Variants in HIF3A observed in about 807,000 individuals in gnomAD.
The protein encoded by HIF3A is hypoxia-inducible factor 3-alpha.
In HIF3A, 41 loss-of-function variants were observed where a neutral mutation model predicts 67.2. The observed-to-expected ratio is 0.61, with a 90% CI of 0.48 to 0.79. The LOEUF (loss-of-function observed/expected upper bound fraction) is 0.79. Among genes scored for constraint, HIF3A ranks in the 30% least tolerant of loss-of-function variants. The pLI, the probability that HIF3A is intolerant of heterozygous loss-of-function variation, is 0.00. For synonymous variants in HIF3A, 356 were observed against 374.8 expected (o/e 0.95, Z 0.58); for missense variants, 855 against 898.0 (o/e 0.95, Z 0.61).
intron 1 of HIF3A, among the ~76,000 whole-genome samples, chr19:46,302,459 C>T (rs1267767242): frequency 6.6e-6 from 1 of 152,122 alleles, no homozygotes. Context: ...GAGACGGAGC[C>T]TTGCTGTGTC....
chr19:46,314,244 G>A (rs1969733630), intron 8 of HIF3A, among the ~76,000 whole-genome samples: 1 of 147,704 alleles, frequency 6.8e-6, no homozygotes, highest in South Asian at 2.2e-4. Context: ...TGGGCACAGT[G>A]GCTCACGCCT....
intron 6 of HIF3A, chr19:46,310,564 C>T: frequency 2.2e-6 from 1 of 455,706 alleles, no homozygotes; most frequent in Non-Finnish European, 4.4e-6. Flanking sequence ...TGGATTCAGC[C>T]TGCTTGAGTG....
intron 11 of HIF3A, 142 bp downstream of exon 11, chr19:46,325,781 G>A (rs1970740030): frequency 1.5e-5 from 9 of 603,788 alleles, no homozygotes; most frequent in Middle Eastern, 2.7e-4. Context: ...GTGGATGATG[G>A]TGGATGAATG....
chr19:46,311,586 C>T (rs897418808), intron 6 of HIF3A, among the ~76,000 whole-genome samples: 1 of 152,152 alleles, frequency 6.6e-6, no homozygotes, highest in Non-Finnish European at 1.5e-5. Context: ...TTAGGCAGGC[C>T]GGGCGAGGTG....
chr19:46,308,453 A>G, intron 4 of HIF3A, 148 bp downstream of exon 4: 1 of 655,956 alleles, frequency 1.5e-6, no homozygotes, highest in South Asian at 1.9e-5. Flanking sequence ...GTCTATGGGG[A>G]CAAAGACCCT....
rs186765072 is a variant in HIF3A at position 46,313,583 on chromosome 19, G to A, written c.1025+930G>A. On this transcript the variant is annotated intron_variant, in intron 8 of 14. Coordinates refer to ENST00000377670, the MANE Select transcript of HIF3A (RefSeq NM_152795.4). Reference sequence around the variant, plus strand: ...ACAGTTCTGTGAATTTTTGACACACGCATGCAGTTGTGTAACCACTATCAC... The same window carrying A: ...ACAGTTCTGTGAATTTTTGACACACACATGCAGTTGTGTAACCACTATCAC... Among the ~76,000 whole-genome samples, 442 of 149,614 alleles carry A rather than the reference G, an allele frequency of 3.0e-3. 4 individuals carry two copies. Among genetic ancestry groups the A allele is most frequent in the African/African-American group, 9.7e-3 (395 of 40,614 alleles).
intron 4 of HIF3A, 129 bp downstream of exon 4, chr19:46,308,434 T>C: frequency 1.4e-6 from 1 of 689,704 alleles, no homozygotes; most frequent in East Asian, 2.7e-5. Context: ...GAGATGGCCC[T>C]GCCCTGGGGT....
chr19:46,330,307 G>A (rs1471444770), intron 12 of HIF3A, among the ~76,000 whole-genome samples: 1 of 152,146 alleles, frequency 6.6e-6, no homozygotes, highest in African/African-American at 2.4e-5. Flanking sequence ...GTCGATGGAA[G>A]GACAGATGGA....
chr19:46,312,125 G>A (rs1194320111), intron 6 of HIF3A, 36 bp from the exon 7 acceptor site: 9 of 1,494,860 alleles, frequency 6.0e-6, no homozygotes, highest in Non-Finnish European at 8.4e-6. Flanking sequence ...TCACCCAGTA[G>A]CATCCTGACC....
At chr19:46,298,223 C>CCTGTCCCCTACT in intron 1 of HIF3A, 1 of 354,080 alleles carries the variant, frequency 2.8e-6, no homozygotes, top group Non-Finnish European at 5.5e-6. Flanking sequence ...CATCCTCTCC[C>CCTGTCCCCTACT]CTGTCCCCTA....
In HIF3A at chr19:46,303,831, C is replaced by T. The variant is rs760251315; in HGVS notation, c.27-67C>T. 18 of 1,545,844 alleles carry T rather than the reference C, an allele frequency of 1.2e-5. No individual in the cohort carries two copies. In the Admixed American group the frequency reaches 3.5e-4, roughly 30 times the overall value. ...CCCGGCCCCACGTGGCAGCTCCCCA[C>T]GTGCTCGTCCCGTCCTCCTTTTCTC... On this transcript the variant is annotated intron_variant, in intron 1 of 14. Coordinates refer to ENST00000377670, the MANE Select transcript of HIF3A (RefSeq NM_152795.4).
At chr19:46,303,870 C>A (rs781184848) in intron 1 of HIF3A, 28 bp from the exon 2 acceptor site, 2 of 1,597,962 alleles carry the variant, frequency 1.3e-6, no homozygotes, top group South Asian at 2.3e-5. Flanking sequence ...CCCGAGTCAC[C>A]ACCAGTGAAT....
chr19:46,310,814 G>T lies in HIF3A; in HGVS notation c.771-1347G>T, dbSNP rs1038066335. 6 of 270,804 alleles carry T rather than the reference G, an allele frequency of 2.2e-5. 1 individual carries two copies. The highest frequency in any genetic ancestry group is 1.4e-4 in the Admixed American group (3 of 21,026). The allele number at this position is 270,804 out of a possible 1,614,324, so 16.8% of individuals were successfully genotyped here. A position where few individuals can be genotyped will look rare whatever the true frequency, so the allele number is the denominator to read the frequency against. On this transcript the variant is annotated intron_variant, in intron 6 of 14. Coordinates refer to ENST00000377670, the MANE Select transcript of HIF3A (RefSeq NM_152795.4). The stretch of plus-strand genomic sequence containing the variant: ...CACCCAGGCTGGAGTGCAGTGGCAG[G>T]ATCTTGGCCCACTGCAACGTCCACC...
chr19:46,307,991 CAGACAGACAGATAGATAGAT>C (rs1281049782), intron 3 of HIF3A, among the ~76,000 whole-genome samples: 2 of 138,092 alleles, frequency 1.4e-5, no homozygotes, highest in African/African-American at 2.7e-5. Context: ...GACAGACAGA[CAGACAGACAGATAGATAGAT>C]AGATAGATGA....
chr19:46,320,711 T>A lies in HIF3A; in HGVS notation c.1144+150T>A. 1.1e-5 allele frequency: 7 copies of A among 623,916 alleles called. No individual in the cohort carries two copies. In the South Asian group the frequency reaches 1.4e-4, roughly 12 times the overall value. 38.6% of individuals were successfully genotyped at this position (623,916 alleles called of 1,614,324 possible). On this transcript the variant is annotated intron_variant, in intron 9 of 14. Transcript: ENST00000377670. ...TCAGCCTCCAAAACACACAGCCTCC[T>A]AAGAGCCCTTGGAACACTCCAGCCT... is the stretch of plus-strand genomic sequence containing the variant.
intron 6 of HIF3A, chr19:46,310,412 TAAATA>T (rs1353128918): frequency 3.8e-6 from 1 of 260,758 alleles, no homozygotes; most frequent in Non-Finnish European, 7.8e-6. Flanking sequence ...ATAATAATAA[TAAATA>T]AAATAAACTG....
At chr19:46,310,636 C>T (rs560121364) in intron 6 of HIF3A, 2 of 456,178 alleles carry the variant, frequency 4.4e-6, no homozygotes, top group Admixed American at 2.3e-5. Flanking sequence ...AATTTCCTCA[C>T]CTATACTGTG....
intron 11 of HIF3A, among the ~76,000 whole-genome samples, chr19:46,326,407 G>A (rs1467010276): frequency 5.3e-5 from 8 of 152,138 alleles, no homozygotes; most frequent in African/African-American, 1.9e-4. Flanking sequence ...CATCGCTTCT[G>A]CCATATTGTT....
chr19:46,334,549 CTTTTAT>C (rs1971476064), intron 13 of HIF3A, among the ~76,000 whole-genome samples: 1 of 151,922 alleles, frequency 6.6e-6, no homozygotes, highest in South Asian at 2.1e-4. Context: ...TTTTATTTTA[CTTTTAT>C]TTTTATTTTT....
Sources: gnomAD v4.1 joint callset for allele counts (sites outside exome capture counted in the v4.1 genomes callset) on GRCh38, gnomAD v4.1.1 for gene constraint, MANE v1.5 for transcripts, NCBI Gene and HGNC (gene_info 2026-07-23, HGNC 2026-07-21) for gene names.